Variants in ARHGEF38 observed in about 807,000 individuals in gnomAD.
ARHGEF38 encodes the protein Rho guanine nucleotide exchange factor 38, also known as Rho guanine nucleotide exchange factor (GEF) 38.
A neutral mutation model predicts 79.9 loss-of-function variants in ARHGEF38; 79 were observed. The observed-to-expected ratio is 0.99, with a 90% CI of 0.82 to 1.19. The LOEUF is 1.19. ARHGEF38 is among the 50% of genes most tolerant of loss of function. The pLI is 0.00. For synonymous variants in ARHGEF38, 366 were observed against 328.3 expected (o/e 1.11, Z -1.24); for missense variants, 962 against 907.2 (o/e 1.06, Z -0.78).
chr4:105,666,813 C>T (rs762529380), intron 11 of ARHGEF38, among the ~76,000 whole-genome samples: 2 of 152,110 alleles, frequency 1.3e-5, no homozygotes, highest in Non-Finnish European at 2.9e-5. Flanking sequence ...TAATATGCAA[C>T]GGGTTGTCTG....
chr4:105,671,738 G>C (rs745440554), intron 13 of ARHGEF38, among the ~76,000 whole-genome samples: 1 of 152,064 alleles, frequency 6.6e-6, no homozygotes, highest in Non-Finnish European at 1.5e-5. Flanking sequence ...TCACATTTGC[G>C]GTATCCTACA....
intron 7 of ARHGEF38, among the ~76,000 whole-genome samples, chr4:105,651,244 CT>C (rs1730091266): frequency 6.6e-6 from 1 of 152,224 alleles, no homozygotes; most frequent in African/African-American, 2.4e-5. Flanking sequence ...AGAGGATGTC[CT>C]GTCAGCAATG....
chr4:105,616,682 C>T (rs982989344), intron 3 of ARHGEF38, among the ~76,000 whole-genome samples: 5 of 152,088 alleles, frequency 3.3e-5, no homozygotes, highest in African/African-American at 1.2e-4. Context: ...TTTTGATTTT[C>T]TTTATCTCAA....
intron 1 of ARHGEF38, among the ~76,000 whole-genome samples, chr4:105,580,066 G>C (rs996430617): frequency 1.3e-5 from 2 of 151,734 alleles, no homozygotes; most frequent in African/African-American, 4.8e-5. Context: ...TGAGGTCAGT[G>C]GTATTACCTC....
intron 1 of ARHGEF38, among the ~76,000 whole-genome samples, chr4:105,560,980 TCCCCTC>T (rs1725490838): frequency 6.6e-6 from 1 of 152,150 alleles, no homozygotes; most frequent in Non-Finnish European, 1.5e-5. Context: ...TAAAAACACA[TCCCCTC>T]CCAGATAAAA....
intron 3 of ARHGEF38, among the ~76,000 whole-genome samples, chr4:105,619,618 T>C (rs969319435): frequency 4.6e-5 from 7 of 152,098 alleles, no homozygotes; most frequent in African/African-American, 1.2e-4. Flanking sequence ...GAGCTTGCAC[T>C]TGAAAGATTT....
intron 4 of ARHGEF38, among the ~76,000 whole-genome samples, chr4:105,635,961 C>G (rs1197971570): frequency 6.6e-6 from 1 of 151,964 alleles, no homozygotes; most frequent in Non-Finnish European, 1.5e-5. Flanking sequence ...TCCACATATA[C>G]AAAGTACTGA....
At position 105,667,595 on chromosome 4, in the gene ARHGEF38, C is replaced by A; in HGVS notation, c.2040C>A (p.Gly680=). The A allele has an allele frequency of 6.5e-7, 1 of 1,536,708 alleles. No homozygotes were observed. Residue 680 remains glycine (G), a synonymous_variant, in exon 13 of 14, where the codon GGC becomes GGA. Coordinates refer to ENST00000420470, the MANE Select transcript of ARHGEF38 (RefSeq NM_001242729.2). ...SSRPASDSVT[G]TSESSIGDSS... is the part of the protein sequence containing the mutation. ...GGCCAGCTAGTGACAGTGTCACAGG[C>A]ACCTCAGAAAGCAGCATTGGTGATA...
chr4:105,587,500 G>C (rs141668892), intron 1 of ARHGEF38, among the ~76,000 whole-genome samples: 1 of 151,962 alleles, frequency 6.6e-6, no homozygotes, highest in South Asian at 2.1e-4. Flanking sequence ...TCATTCTCTC[G>C]CCCAGGCTGG....
intron 1 of ARHGEF38, among the ~76,000 whole-genome samples, chr4:105,578,043 T>A (rs111317033): frequency 2.4e-3 from 373 of 152,312 alleles, no homozygotes; most frequent in East Asian, 0.011. Context: ...CTTTTAGACT[T>A]TTTAATGTGG....
chr4:105,580,815 C>T (rs1055683322), intron 1 of ARHGEF38, among the ~76,000 whole-genome samples: 3 of 151,914 alleles, frequency 2.0e-5, no homozygotes, highest in African/African-American at 4.8e-5. Context: ...CTGGTTCAAG[C>T]AATTCTCCAC....
intron 13 of ARHGEF38, among the ~76,000 whole-genome samples, chr4:105,671,431 T>G (rs1020036086): frequency 2.0e-5 from 3 of 152,180 alleles, no homozygotes; most frequent in African/African-American, 7.2e-5. Flanking sequence ...ATGTCTTAAC[T>G]CTAGCCAATA....
chr4:105,678,913 C>T lies in ARHGEF38; in HGVS notation c.*976C>T. ...TGTTTACAATCATTCTTGTGAAATACTTTTTTAAAAAAATACGATCAACTT... is the reference window on the plus strand; with the variant it reads ...TGTTTACAATCATTCTTGTGAAATATTTTTTTAAAAAAATACGATCAACTT... On this transcript the variant is annotated 3_prime_UTR_variant, in exon 14 of 14. Coordinates refer to ENST00000420470, the MANE Select transcript of ARHGEF38 (RefSeq NM_001242729.2). 1 of 155,300 alleles carries T rather than the reference C, an allele frequency of 6.4e-6. No homozygotes were observed. Among genetic ancestry groups the T allele is most frequent in the Non-Finnish European group, 1.4e-5 (1 of 71,484 alleles). The allele number at this position is 155,300 out of a possible 1,614,324, so 9.6% of individuals were successfully genotyped here.
intron 10 of ARHGEF38, among the ~76,000 whole-genome samples, chr4:105,664,021 T>A (rs1268692471): frequency 1.3e-5 from 2 of 151,592 alleles, no homozygotes; most frequent in African/African-American, 4.8e-5. Context: ...CTAAAGCACA[T>A]TTTGTTTATT....
chr4:105,665,536 G>A lies in ARHGEF38; in HGVS notation c.1546-641G>A, dbSNP rs927198691. Among the ~76,000 whole-genome samples, 6 of 151,696 alleles carry A rather than the reference G, an allele frequency of 4.0e-5. No homozygotes were observed. In the East Asian group the frequency reaches 1.2e-3, roughly 29 times the overall value. ...AGGCTGGTCTTGAACTCCAGGGCTC[G>A]AGTGATCTTCTGGCCTCAGCTTCCT... On this transcript the variant is annotated intron_variant, in intron 10 of 13. Transcript: ENST00000420470.
At chr4:105,669,589 T>A (rs190040076) in intron 13 of ARHGEF38, among the ~76,000 whole-genome samples, 1 of 152,022 alleles carries the variant, frequency 6.6e-6, no homozygotes, top group Non-Finnish European at 1.5e-5. Flanking sequence ...TTTGGTTTGG[T>A]GTTTTTTTTC....
rs949496985 is a variant in ARHGEF38 at position 105,634,224 on chromosome 4, A to T, written c.657-2179A>T. Among the ~76,000 whole-genome samples the T allele has an allele frequency of 3.9e-5, 6 of 152,188 alleles. No individual in the cohort carries two copies. In the East Asian group the frequency reaches 9.6e-4, roughly 24 times the overall value. ...AAGAACTAAATTAGTGGGAGAAATC[A>T]TACTTGCTGCTTTCCCTGAAGCAGG... On this transcript the variant is annotated intron_variant, in intron 4 of 13. Coordinates refer to ENST00000420470, the MANE Select transcript of ARHGEF38 (RefSeq NM_001242729.2).
chr4:105,622,504 TTGATGGC>T (rs1391886913), intron 3 of ARHGEF38, among the ~76,000 whole-genome samples: 1 of 152,138 alleles, frequency 6.6e-6, no homozygotes, highest in Admixed American at 6.5e-5. Context: ...CATCACTAGT[TTGATGGC>T]TGTGAGCAAG....
At chr4:105,636,366 A>G in intron 4 of ARHGEF38, 37 bp from the exon 5 acceptor site, 1 of 398,342 alleles carries the variant, frequency 2.5e-6, no homozygotes, top group South Asian at 5.2e-5. Flanking sequence ...AAATATACAG[A>G]TTTACATGAA....
Sources: allele counts gnomAD v4.1 joint callset (sites outside exome capture counted in the v4.1 genomes callset), GRCh38; gene constraint gnomAD v4.1.1; transcripts MANE v1.5; gene names NCBI Gene and HGNC (gene_info 2026-07-23, HGNC 2026-07-21).